DISP1: variants seen among roughly 807,000 people sequenced by gnomAD.
DISP1 encodes the protein dispatched RND transporter family member 1, also known as protein dispatched homolog 1.
A neutral mutation model predicts 37.3 loss-of-function variants in DISP1; 30 were observed. The ratio of observed to expected loss-of-function variants is 0.80; its 90% CI spans 0.60 to 1.09. DISP1 has a LOEUF of 1.09. Among genes scored for constraint, DISP1 ranks in the 50% least tolerant of loss-of-function variants. The pLI is 0.00. For missense variants in DISP1, 1,598 were observed against 1,879.5 expected (o/e 0.85, Z 2.77); for synonymous variants, 634 against 690.2 (o/e 0.92, Z 1.28).
At chr1:222,818,762 A>G (rs562088588) in intron 1 of DISP1, among the ~76,000 whole-genome samples, 21 of 152,342 alleles carry the variant, frequency 1.4e-4, no homozygotes, top group African/African-American at 4.6e-4. Flanking sequence ...CTTAAGGTCA[A>G]CTGATTGTAG....
At position 222,951,852 on chromosome 1, in the gene DISP1, C is replaced by T. The variant is rs577658081; in HGVS notation, c.509+8520C>T. ...CCATAGATAGATTGCCATCTTTGAT[C>T]GGTAAGTATTTACAGAATAGCTGTT... On this transcript the variant is annotated intron_variant, in intron 3 of 8. Coordinates refer to ENST00000675850, the MANE Select transcript of DISP1 (RefSeq NM_001377229.1). 1.4e-4 allele frequency among the ~76,000 whole-genome samples: 22 copies of T among 152,236 alleles called. No individual in the cohort carries two copies. The South Asian group carries it at 1.7e-3, about 11-fold the overall frequency.
chr1:222,984,661 A>T (rs1434935677), intron 4 of DISP1, among the ~76,000 whole-genome samples: 7 of 151,838 alleles, frequency 4.6e-5, no homozygotes, highest in Admixed American at 4.6e-4. Context: ...CCTTTTAACT[A>T]TTTTTAAGAG....
At chr1:222,924,714 C>G (rs1672984492) in intron 1 of DISP1, among the ~76,000 whole-genome samples, 1 of 152,090 alleles carries the variant, frequency 6.6e-6, no homozygotes, top group Admixed American at 6.5e-5. Flanking sequence ...CAATGTACCA[C>G]AGTTTACTTG....
intron 5 of DISP1, 37 bp from the exon 6 acceptor site, chr1:222,991,483 T>G: frequency 6.2e-7 from 1 of 1,612,996 alleles, no homozygotes; most frequent in Non-Finnish European, 8.5e-7. Context: ...TAGCCTGAAA[T>G]GAAATATACT....
chr1:222,876,229 T>G (rs1244307803), intron 1 of DISP1, among the ~76,000 whole-genome samples: 1 of 152,172 alleles, frequency 6.6e-6, no homozygotes, highest in Admixed American at 6.6e-5. Context: ...ACATTAATTG[T>G]GTGTGGTGAG....
At chr1:222,867,564 T>C (rs1669266248) in intron 1 of DISP1, among the ~76,000 whole-genome samples, 1 of 152,204 alleles carries the variant, frequency 6.6e-6, no homozygotes, top group African/African-American at 2.4e-5. Flanking sequence ...TCTGCATTTG[T>C]TAAACAGTAT....
At chr1:222,959,694 C>A (rs1479041677) in intron 3 of DISP1, among the ~76,000 whole-genome samples, 1 of 74,832 alleles carries the variant, frequency 1.3e-5, no homozygotes. Flanking sequence ...GAGCAAAACT[C>A]TGTCTCAAAA....
intron 1 of DISP1, among the ~76,000 whole-genome samples, chr1:222,896,396 TTTG>T (rs1262803554): frequency 2.6e-5 from 4 of 151,330 alleles, no homozygotes; most frequent in African/African-American, 9.7e-5. Flanking sequence ...AGGTCAGGAG[TTTG>T]AGACCAGCAT....
chr1:222,932,179 A>G (rs986080348), intron 2 of DISP1, among the ~76,000 whole-genome samples: 1 of 151,996 alleles, frequency 6.6e-6, no homozygotes, highest in Admixed American at 6.6e-5. Context: ...AGCATTAATT[A>G]TATAAAGTAT....
In DISP1 at chr1:222,943,090, C is replaced by T. The variant is rs1449471114; in HGVS notation, c.267C>T (p.His89=). ...GCTGCCATCCTTGCCCATACCATCA[C>T]CCTTTGACTAGCCATAGCAGTCACC... is the stretch of plus-strand genomic sequence containing the variant. ...PQCCHPCPYH[H]PLTSHSSHQE... is the part of the protein sequence containing the mutation. The change falls in exon 3 of 9, where the codon CAC becomes CAT. Residue 89 remains histidine (H), a synonymous_variant. Coordinates refer to ENST00000675850, the MANE Select transcript of DISP1 (RefSeq NM_001377229.1). 1 of 1,614,200 alleles carries T rather than the reference C, an allele frequency of 6.2e-7. No homozygotes were observed. The highest frequency in any genetic ancestry group is 2.2e-5 in the East Asian group (1 of 44,882).
At chr1:222,847,122 A>G (rs899371338) in intron 1 of DISP1, among the ~76,000 whole-genome samples, 16 of 152,336 alleles carry the variant, frequency 1.1e-4, no homozygotes, top group African/African-American at 3.4e-4. Context: ...CCACAGAGGT[A>G]AAACTGTATT....
chr1:222,934,494 G>T (rs1043929223), intron 2 of DISP1, among the ~76,000 whole-genome samples: 2 of 151,974 alleles, frequency 1.3e-5, no homozygotes. Flanking sequence ...TATTTCTCTG[G>T]CCATAACACT....
At chr1:222,815,940 A>AT (rs1449017474) in intron 1 of DISP1, among the ~76,000 whole-genome samples, 3 of 152,048 alleles carry the variant, frequency 2.0e-5, no homozygotes, top group Non-Finnish European at 4.4e-5. Flanking sequence ...TTTCTAACAC[A>AT]TTTTTTCTAA....
At chr1:222,954,931 C>A (rs1053179455) in intron 3 of DISP1, among the ~76,000 whole-genome samples, 2 of 150,902 alleles carry the variant, frequency 1.3e-5, no homozygotes, top group Non-Finnish European at 3.0e-5. Context: ...GCACCAGGAA[C>A]ATGGCAATAA....
intron 1 of DISP1, among the ~76,000 whole-genome samples, chr1:222,832,242 G>T (rs1037802255): frequency 6.6e-6 from 1 of 152,112 alleles, no homozygotes; most frequent in African/African-American, 2.4e-5. Context: ...CTGCACTCCA[G>T]CCCTGGGACA....
intron 1 of DISP1, among the ~76,000 whole-genome samples, chr1:222,901,728 A>G (rs1200668105): frequency 6.6e-6 from 1 of 152,146 alleles, no homozygotes; most frequent in Non-Finnish European, 1.5e-5. Flanking sequence ...GGGTTTCACC[A>G]ATTGGCCAGG....
chr1:222,830,058 A>G (rs1665358369), intron 1 of DISP1, among the ~76,000 whole-genome samples: 1 of 152,172 alleles, frequency 6.6e-6, no homozygotes. Flanking sequence ...ATGTTCAGTA[A>G]TGACTAAGTA....
At position 222,995,492 on chromosome 1, in the gene DISP1, T is replaced by C. The variant is rs142452961; in HGVS notation, c.987+510T>C. 1.1e-3 allele frequency among the ~76,000 whole-genome samples: 171 copies of C among 152,276 alleles called. 1 individual carries two copies. Among genetic ancestry groups the C allele is most frequent in the Non-Finnish European group, 2.1e-3 (141 of 68,016 alleles). ...AAAGAGCATAAATACAGTATCTATGTAAATGACCACAGTAATCCAATCCAA... is the reference window on the plus strand; with the variant it reads ...AAAGAGCATAAATACAGTATCTATGCAAATGACCACAGTAATCCAATCCAA... On this transcript the variant is annotated intron_variant, in intron 8 of 8. Coordinates refer to ENST00000675850, the MANE Select transcript of DISP1 (RefSeq NM_001377229.1).
chr1:222,863,991 A>G (rs746074572), intron 1 of DISP1, among the ~76,000 whole-genome samples: 1 of 152,190 alleles, frequency 6.6e-6, no homozygotes, highest in Non-Finnish European at 1.5e-5. Context: ...TAAAACCAAG[A>G]TTTAAGTGCT....
Sources: allele counts gnomAD v4.1 joint callset (sites outside exome capture counted in the v4.1 genomes callset), GRCh38; gene constraint gnomAD v4.1.1; transcripts MANE v1.5; gene names NCBI Gene and HGNC (gene_info 2026-07-23, HGNC 2026-07-21).